The following CTNNA1 variants were observed in gnomAD, a reference collection of about 807,000 sequenced individuals.
CTNNA1 encodes the protein catenin alpha-1.
CTNNA1 carries 37 observed loss-of-function variants against 98.4 expected under a neutral mutation model. The observed-to-expected ratio is 0.38, with a 90% confidence interval of 0.29 to 0.49. The LOEUF (loss-of-function observed/expected upper bound fraction) is 0.49. Ranked by LOEUF, CTNNA1 falls within the 20% of genes least tolerant of loss-of-function variation. The probability of loss-of-function intolerance (pLI) is 0.95; values close to 1 mark genes in which losing one functional copy is unlikely to be tolerated. For synonymous variants in CTNNA1, 404 were observed against 413.2 expected (o/e 0.98, Z 0.27); for missense variants, 761 against 1,147.2 (o/e 0.66, Z 4.86).
At chr5:138,781,548 CTG>C (rs1755111936) in intron 1 of CTNNA1, among the ~76,000 whole-genome samples, 1 of 109,640 alleles carries the variant, frequency 9.1e-6, no homozygotes, top group South Asian at 3.3e-4. Context: ...GAGCAAGACT[CTG>C]TCTCAAAAAA....
chr5:138,816,031 G>A (rs1447543844), intron 5 of CTNNA1, among the ~76,000 whole-genome samples: 1 of 152,166 alleles, frequency 6.6e-6, no homozygotes, highest in East Asian at 1.9e-4. Flanking sequence ...CTATTTAACT[G>A]TATATTTGTA....
intron 9 of CTNNA1, among the ~76,000 whole-genome samples, chr5:138,902,587 T>C (rs895340302): frequency 9.9e-5 from 15 of 152,112 alleles, no homozygotes; most frequent in Non-Finnish European, 2.2e-4. Flanking sequence ...GCCCGGCTAA[T>C]TTTTTTGTAT....
chr5:138,831,382 A>G (rs1211043764), intron 7 of CTNNA1, among the ~76,000 whole-genome samples: 1 of 152,198 alleles, frequency 6.6e-6, no homozygotes, highest in Admixed American at 6.5e-5. Context: ...CCAGTGTGCA[A>G]CTAAGGTGGA....
intron 10 of CTNNA1, among the ~76,000 whole-genome samples, chr5:138,914,350 G>T (rs1761294214): frequency 6.6e-6 from 1 of 152,208 alleles, no homozygotes; most frequent in Admixed American, 6.5e-5. Flanking sequence ...GAAGAAAGTG[G>T]TCTTACAATG....
chr5:138,876,261 A>G (rs1279270019), intron 7 of CTNNA1, among the ~76,000 whole-genome samples: 1 of 152,196 alleles, frequency 6.6e-6, no homozygotes, highest in Non-Finnish European at 1.5e-5. Flanking sequence ...GAAATAATAG[A>G]GCATTTGCAC....
At chr5:138,801,561 C>T (rs901653461) in intron 3 of CTNNA1, among the ~76,000 whole-genome samples, 16 of 152,170 alleles carry the variant, frequency 1.1e-4, no homozygotes, top group African/African-American at 3.9e-4. Context: ...ACAAACTTCG[C>T]TGCTAGCTTT....
At chr5:138,788,020 T>G (rs887660367) in intron 3 of CTNNA1, among the ~76,000 whole-genome samples, 9 of 152,256 alleles carry the variant, frequency 5.9e-5, no homozygotes, top group Non-Finnish European at 1.3e-4. Flanking sequence ...CGTTTTTGAG[T>G]AGCTACCTTA....
intron 7 of CTNNA1, among the ~76,000 whole-genome samples, chr5:138,832,869 T>C (rs1761406329): frequency 6.6e-6 from 1 of 152,226 alleles, no homozygotes; most frequent in African/African-American, 2.4e-5. Context: ...TTGTGTGTTT[T>C]AATGTTCTCT....
chr5:138,910,768 C>A (rs1201155624), intron 10 of CTNNA1, among the ~76,000 whole-genome samples: 2 of 152,008 alleles, frequency 1.3e-5, no homozygotes, highest in African/African-American at 4.8e-5. Context: ...GGAGAGAGCT[C>A]CAGGCAGAGA....
intron 11 of CTNNA1, among the ~76,000 whole-genome samples, chr5:138,919,631 A>T (rs1395067077): frequency 6.6e-6 from 1 of 152,212 alleles, no homozygotes; most frequent in Non-Finnish European, 1.5e-5. Flanking sequence ...TATAAGAGGG[A>T]TTGATTTGAT....
chr5:138,873,882 G>A lies in CTNNA1; in HGVS notation c.1063-12330G>A, dbSNP rs778020992. The stretch of plus-strand genomic sequence containing the variant: ...AAGAGCGTGTGCAGACTGCTTAGCC[G>A]TAGGAAATGAGCAAAATTAATCTTC... On this transcript the variant is annotated intron_variant, in intron 7 of 17. Transcript: ENST00000302763. The surrounding 1 kb of genome is among the most constrained non-coding windows in gnomAD (Gnocchi z 6.1). 6.2e-6 allele frequency: 10 copies of A among 1,613,844 alleles called. No homozygotes were observed. The highest frequency in any genetic ancestry group is 2.2e-5 in the South Asian group (2 of 91,082).
chr5:138,825,510 A>T (rs1760616751), intron 6 of CTNNA1, among the ~76,000 whole-genome samples: 1 of 19,506 alleles, frequency 5.1e-5, no homozygotes, highest in Non-Finnish European at 9.4e-5. Flanking sequence ...GGGCTTTAAA[A>T]GTAACTGTTG....
intron 7 of CTNNA1, among the ~76,000 whole-genome samples, chr5:138,858,335 C>T (rs888394059): frequency 6.6e-6 from 1 of 151,954 alleles, no homozygotes; most frequent in African/African-American, 2.4e-5. Flanking sequence ...CCATGTTGCC[C>T]AGGCTGATCT....
At chr5:138,765,445 G>A (rs1433423405) in intron 1 of CTNNA1, among the ~76,000 whole-genome samples, 1 of 152,122 alleles carries the variant, frequency 6.6e-6, no homozygotes, top group Admixed American at 6.6e-5. Flanking sequence ...TCCTCCCAAT[G>A]TGCTGGGATT....
Position 138,860,556 on chromosome 5 carries a change from C to T in CTNNA1, c.1063-25656C>T, listed in dbSNP as rs182665374. Among the ~76,000 whole-genome samples, 63 of 152,148 alleles carry T rather than the reference C, an allele frequency of 4.1e-4. 2 individuals are homozygous for T. In the East Asian group the frequency reaches 0.01, roughly 24 times the overall value. On this transcript the variant is annotated intron_variant, in intron 7 of 17. Coordinates refer to ENST00000302763, the MANE Select transcript of CTNNA1 (RefSeq NM_001903.5). ...TTGCTCTATCTCTGGAGTGCAATGA[C>T]GCAGTCTCAGCTCGCTGCATCCTCT...
At chr5:138,805,931 G>A (rs1272006495) in intron 3 of CTNNA1, among the ~76,000 whole-genome samples, 4 of 151,954 alleles carry the variant, frequency 2.6e-5, no homozygotes, top group Non-Finnish European at 4.4e-5. Flanking sequence ...TTGTTCTGTT[G>A]TTTGTACTTT....
intron 9 of CTNNA1, among the ~76,000 whole-genome samples, chr5:138,892,624 G>A (rs1329906881): frequency 1.3e-5 from 2 of 151,996 alleles, no homozygotes; most frequent in African/African-American, 2.4e-5. Flanking sequence ...TTACAGGTGT[G>A]AGCCACTGTG....
intron 7 of CTNNA1, among the ~76,000 whole-genome samples, chr5:138,851,500 G>C (rs1337664162): frequency 6.6e-6 from 1 of 152,162 alleles, no homozygotes; most frequent in Non-Finnish European, 1.5e-5. Context: ...GCTCACACTT[G>C]TAATCCCAGC....
chr5:138,753,444 AG>A lies in CTNNA1; in HGVS notation c.-66del. Reference sequence around the variant, plus strand: ...CATTTCCTCCTCCTAGCCGGACTGGAGGGAGACAAAGCAGCGCCCGTCTGCT... The same window carrying A: ...CATTTCCTCCTCCTAGCCGGACTGGAGGAGACAAAGCAGCGCCCGTCTGCT... On this transcript the variant is annotated 5_prime_UTR_variant, in exon 1 of 18. Coordinates refer to ENST00000302763, the MANE Select transcript of CTNNA1 (RefSeq NM_001903.5). 2 of 368,546 alleles carry A rather than the reference AG, an allele frequency of 5.4e-6. No individual in the cohort carries two copies. 22.8% of individuals were successfully genotyped at this position (368,546 alleles called of 1,614,324 possible).
Sources: gnomAD v4.1 joint callset for allele counts (sites outside exome capture counted in the v4.1 genomes callset) on GRCh38, gnomAD v4.1.1 for gene constraint, Gnocchi (gnomAD v3.1) non-coding constraint, MANE v1.5 for transcripts, NCBI Gene and HGNC (gene_info 2026-07-23, HGNC 2026-07-21) for gene names.